HGSNAT: variants seen among roughly 807,000 people sequenced by gnomAD.
HGSNAT encodes the protein transmembrane protein 76.
Under a neutral mutation model 85.2 loss-of-function variants are expected in HGSNAT, and 59 were observed. The observed-to-expected ratio is 0.69, with a 90% CI of 0.56 to 0.86. The LOEUF (loss-of-function observed/expected upper bound fraction) is 0.86, where lower values mean the gene tolerates loss of function less well. HGSNAT is among the 40% of genes least tolerant of loss of function. The pLI is 0.00. For synonymous variants in HGSNAT, 321 were observed against 304.5 expected (o/e 1.05, Z -0.56); for missense variants, 756 against 777.1 (o/e 0.97, Z 0.32).
intron 11 of HGSNAT, among the ~76,000 whole-genome samples, chr8:43,184,945 G>A (rs1804255877): frequency 6.6e-6 from 1 of 152,188 alleles, no homozygotes; most frequent in Non-Finnish European, 1.5e-5. Flanking sequence ...TCAGATGGTT[G>A]TAGATGTGTG....
intron 10 of HGSNAT, among the ~76,000 whole-genome samples, chr8:43,181,436 A>C (rs1804119905): frequency 6.6e-6 from 1 of 151,976 alleles, no homozygotes; most frequent in African/African-American, 2.4e-5. Flanking sequence ...CACTGTCCTC[A>C]AGGGCCTTGC....
At chr8:43,142,464 G>A (rs952515682) in intron 1 of HGSNAT, among the ~76,000 whole-genome samples, 3 of 151,996 alleles carry the variant, frequency 2.0e-5, no homozygotes, top group Non-Finnish European at 4.4e-5. Flanking sequence ...AAGTGATACA[G>A]ACTGTTATTA....
chr8:43,156,892 G>C (rs1238889158), intron 2 of HGSNAT, among the ~76,000 whole-genome samples: 1 of 150,954 alleles, frequency 6.6e-6, no homozygotes, highest in Non-Finnish European at 1.5e-5. Context: ...CCTTTTCTTT[G>C]AGTCTGTGTG....
At chr8:43,154,168 C>T (rs1486363817) in intron 2 of HGSNAT, among the ~76,000 whole-genome samples, 3 of 152,100 alleles carry the variant, frequency 2.0e-5, no homozygotes, top group Non-Finnish European at 4.4e-5. Flanking sequence ...ACACAAACTT[C>T]TTGTAGCAAG....
intron 2 of HGSNAT, among the ~76,000 whole-genome samples, chr8:43,154,983 T>A (rs113345652): frequency 0.032 from 4,800 of 152,276 alleles, 252 homozygotes; most frequent in African/African-American, 0.11. Flanking sequence ...GGCTGCATAA[T>A]TGTCTTCTTT....
chr8:43,141,069 C>G (rs1370214850), intron 1 of HGSNAT, among the ~76,000 whole-genome samples: 2 of 152,216 alleles, frequency 1.3e-5, no homozygotes, highest in Non-Finnish European at 2.9e-5. Context: ...GCCTCGCCCC[C>G]GAGGACGTGG....
intron 5 of HGSNAT, among the ~76,000 whole-genome samples, chr8:43,162,322 C>T (rs1005155690): frequency 1.3e-5 from 2 of 152,126 alleles, no homozygotes; most frequent in Non-Finnish European, 2.9e-5. Context: ...TAGCTTTGTA[C>T]ATCTTAGAAA....
rs1022261118 is a variant in HGSNAT at position 43,140,486 on chromosome 8, G to A, written c.-11G>A. On this transcript the variant is annotated 5_prime_UTR_variant, in exon 1 of 18. Transcript: ENST00000379644. ...AGCGGGCAGGCAAGGGCGGCCGAGC[G>A]GGCGGCGGGCATGAGCGGGGCGGGC... is the stretch of plus-strand genomic sequence containing the variant. 4.0e-6 allele frequency: 4 copies of A among 1,001,720 alleles called. No homozygotes were observed. Among genetic ancestry groups the A allele is most frequent in the Middle Eastern group, 4.9e-4 (1 of 2,036 alleles). 62.1% of individuals were successfully genotyped at this position (1,001,720 alleles called of 1,614,324 possible).
intron 10 of HGSNAT, among the ~76,000 whole-genome samples, chr8:43,178,951 C>G (rs1803915360): frequency 6.8e-6 from 1 of 147,944 alleles, no homozygotes; most frequent in East Asian, 2.0e-4. Flanking sequence ...TCAACAGGAT[C>G]CCAAGGCAGA....
chr8:43,146,558 C>A (rs1181820865), intron 1 of HGSNAT, among the ~76,000 whole-genome samples: 1 of 152,190 alleles, frequency 6.6e-6, no homozygotes, highest in East Asian at 1.9e-4. Flanking sequence ...GGGAAAATAC[C>A]TAGCTCATAA....
intron 2 of HGSNAT, among the ~76,000 whole-genome samples, chr8:43,152,584 A>G (rs1310279295): frequency 1.3e-5 from 2 of 152,066 alleles, no homozygotes; most frequent in Non-Finnish European, 2.9e-5. Flanking sequence ...TCAAGTAGCT[A>G]GGACTATAGG....
chr8:43,144,960 AG>A (rs1005849725), intron 1 of HGSNAT, among the ~76,000 whole-genome samples: 1 of 152,204 alleles, frequency 6.6e-6, no homozygotes, highest in African/African-American at 2.4e-5. Flanking sequence ...GTAAGTGTTC[AG>A]GAAGTGCTGG....
chr8:43,174,759 G>A (rs776524543), intron 9 of HGSNAT, among the ~76,000 whole-genome samples: 3 of 152,094 alleles, frequency 2.0e-5, no homozygotes, highest in Non-Finnish European at 4.4e-5. Flanking sequence ...ACCATTTTGT[G>A]TTATAAACAA....
At chr8:43,196,618 G>A in intron 14 of HGSNAT, 1 of 971,036 alleles carries the variant, frequency 1.0e-6, no homozygotes, top group Non-Finnish European at 1.4e-6. Context: ...TGGCTACCAT[G>A]CTTCCCCCGA....
Position 43,158,709 on chromosome 8 carries a change from T to C in HGSNAT, c.369T>C (p.Cys123=), listed in dbSNP as rs1258501549. The change falls in exon 3 of 18, where the codon TGT becomes TGC. Residue 123 remains cysteine, a splice_region_variant and synonymous_variant. Coordinates refer to ENST00000379644, the MANE Select transcript of HGSNAT (RefSeq NM_152419.3). ...ACACCTTGGAAGAGAAAGAAGTTTG[T>C]AGGTTTGTGCCTGCTTTGTTGTGAT... ...LNDTLEEKEV[C]RLEYRFGEFG... The C allele has an allele frequency of 6.2e-7, 1 of 1,600,960 alleles. No individual in the cohort carries two copies. Among genetic ancestry groups the C allele is most frequent in the Non-Finnish European group, 8.5e-7 (1 of 1,173,158 alleles).
intron 2 of HGSNAT, among the ~76,000 whole-genome samples, chr8:43,148,748 G>A (rs999537714): frequency 6.7e-6 from 1 of 149,902 alleles, no homozygotes; most frequent in East Asian, 2.0e-4. Context: ...AGCCGAGATC[G>A]CACCATTGCA....
intron 10 of HGSNAT, among the ~76,000 whole-genome samples, chr8:43,179,479 G>T (rs1232256556): frequency 8.5e-6 from 1 of 117,212 alleles, no homozygotes; most frequent in Non-Finnish European, 1.8e-5. Flanking sequence ...CGGGGCGGCC[G>T]GCCGGAAGGG....
intron 5 of HGSNAT, 66 bp from the exon 6 acceptor site, chr8:43,169,107 A>C: frequency 1.2e-6 from 1 of 833,556 alleles, no homozygotes; most frequent in East Asian, 2.7e-5. Flanking sequence ...TTTCCATATA[A>C]TATCCAATCA....
intron 1 of HGSNAT, among the ~76,000 whole-genome samples, chr8:43,145,847 C>T (rs1802697593): frequency 6.6e-6 from 1 of 152,108 alleles, no homozygotes; most frequent in South Asian, 2.1e-4. Flanking sequence ...GGAAGCTTTC[C>T]CATTACAAAA....
Sources: gnomAD v4.1 joint callset for allele counts (sites outside exome capture counted in the v4.1 genomes callset) on GRCh38, gnomAD v4.1.1 for gene constraint, MANE v1.5 for transcripts, NCBI Gene and HGNC (gene_info 2026-07-23, HGNC 2026-07-21) for gene names.